The following PADI1 variants were observed in gnomAD, a reference collection of about 807,000 sequenced individuals.
PADI1 encodes the protein protein-arginine deiminase type-1.
In PADI1, 65 loss-of-function variants were observed where a neutral mutation model predicts 74.8. The ratio of observed to expected loss-of-function variants is 0.87; its 90% confidence interval spans 0.71 to 1.07. The LOEUF (loss-of-function observed/expected upper bound fraction) is 1.07, where lower values mean the gene tolerates loss of function less well. Among genes scored for constraint, PADI1 ranks in the 50% least tolerant of loss-of-function variants. PADI1 has a pLI of 0.00. For synonymous variants in PADI1, 371 were observed against 336.2 expected (o/e 1.10, Z -1.13); for missense variants, 943 against 854.0 (o/e 1.10, Z -1.30).
intron 6 of PADI1, among the ~76,000 whole-genome samples, chr1:17,228,190 C>T (rs1468531292): frequency 6.6e-6 from 1 of 152,148 alleles, no homozygotes; most frequent in Non-Finnish European, 1.5e-5. Flanking sequence ...TGGGGTCTCC[C>T]TATGTTACCC....
chr1:17,212,327 G>A (rs895832158), intron 1 of PADI1, among the ~76,000 whole-genome samples: 2 of 152,204 alleles, frequency 1.3e-5, no homozygotes, highest in African/African-American at 4.8e-5. Flanking sequence ...AGCCAGCAGT[G>A]CCTGCTCTTC....
chr1:17,235,273 A>AGGAAGGAAGGAAGGAG (rs1553129537), intron 11 of PADI1, among the ~76,000 whole-genome samples: 16 of 115,574 alleles, frequency 1.4e-4, no homozygotes, highest in Non-Finnish European at 2.2e-4. Context: ...GAAGGAAGGA[A>AGGAAGGAAGGAAGGAG]GGAAGGAAGG....
intron 1 of PADI1, among the ~76,000 whole-genome samples, chr1:17,220,306 A>G (rs1253725163): frequency 6.6e-6 from 1 of 152,114 alleles, no homozygotes; most frequent in East Asian, 1.9e-4. Flanking sequence ...ACCGCAGTCA[A>G]TGGAGACAGT....
chr1:17,236,368 G>C (rs897014851), intron 11 of PADI1, among the ~76,000 whole-genome samples: 3 of 152,212 alleles, frequency 2.0e-5, no homozygotes, highest in African/African-American at 7.2e-5. Flanking sequence ...ATTAAATGAG[G>C]TAGCCTGGGT....
rs555336651 is a variant in PADI1 at position 17,240,743 on chromosome 1, G to T, written c.1741G>T (p.Ala581Ser). 1.2e-6 allele frequency: 2 copies of T among 1,614,000 alleles called. No homozygotes were observed. Among genetic ancestry groups the T allele is most frequent in the Middle Eastern group, 3.3e-4 (2 of 6,060 alleles). Residue 581 changes from alanine to serine, a missense_variant, in exon 15 of 16, where the codon GCC (alanine) becomes TCC (serine). By Grantham distance (99) the Ala-to-Ser change is moderately conservative. Transcript: ENST00000375471. ...CTTCCTGAAAAACTTCTACGCGGAA[G>T]CCTTCTTCCCAGACATGGTGAGAGC... ...LFFLKNFYAE[A>S]FFPDMVNMVV...
chr1:17,239,815 G>C, intron 14 of PADI1, 32 bp downstream of exon 14: 1 of 1,547,108 alleles, frequency 6.5e-7, no homozygotes, highest in Non-Finnish European at 8.9e-7. Context: ...TGCTCTAAGG[G>C]GTCCTTTCCC....
chr1:17,232,753 A>G, intron 10 of PADI1, 66 bp from the exon 11 acceptor site: 1 of 1,451,428 alleles, frequency 6.9e-7, no homozygotes, highest in Non-Finnish European at 9.3e-7. Flanking sequence ...TACTCCAAGA[A>G]CTGCCTCGTC....
intron 1 of PADI1, among the ~76,000 whole-genome samples, chr1:17,222,051 T>C (rs773140916): frequency 3.9e-5 from 6 of 152,070 alleles, no homozygotes; most frequent in Non-Finnish European, 8.8e-5. Context: ...GCTGGAGAGT[T>C]TGGAAGTGTC....
chr1:17,224,501 C>T, intron 4 of PADI1, 73 bp downstream of exon 4: 2 of 1,128,910 alleles, frequency 1.8e-6, no homozygotes, highest in Non-Finnish European at 2.6e-6. Flanking sequence ...GTGGATTGTG[C>T]CCTCCCTCCA....
At chr1:17,227,730 G>C (rs973841301) in intron 6 of PADI1, among the ~76,000 whole-genome samples, 1 of 152,102 alleles carries the variant, frequency 6.6e-6, no homozygotes, top group Non-Finnish European at 1.5e-5. Context: ...GAGCCAGAAT[G>C]TTCCCTCCCA....
intron 1 of PADI1, among the ~76,000 whole-genome samples, chr1:17,221,808 C>T (rs972714891): frequency 6.6e-6 from 1 of 152,182 alleles, no homozygotes; most frequent in Non-Finnish European, 1.5e-5. Context: ...TCAGAAGGGC[C>T]TCTTATGCTA....
chr1:17,207,895 A>T (rs1338081886), intron 1 of PADI1, among the ~76,000 whole-genome samples: 1 of 152,228 alleles, frequency 6.6e-6, no homozygotes, highest in Non-Finnish European at 1.5e-5. Flanking sequence ...ATTCTGCAGC[A>T]TAAGGAAGAG....
intron 2 of PADI1, among the ~76,000 whole-genome samples, chr1:17,222,887 A>T (rs754712773): frequency 1.1e-4 from 17 of 152,140 alleles, no homozygotes; most frequent in Admixed American, 2.6e-4. Flanking sequence ...TCCCACACCT[A>T]AGCCAACCTT....
intron 6 of PADI1, among the ~76,000 whole-genome samples, chr1:17,227,763 G>A (rs1204738923): frequency 6.6e-6 from 1 of 152,132 alleles, no homozygotes; most frequent in African/African-American, 2.4e-5. Context: ...GGATGTTTAG[G>A]CAGAGGACTC....
intron 10 of PADI1, among the ~76,000 whole-genome samples, chr1:17,231,207 T>G (rs889711276): frequency 2.0e-5 from 3 of 152,212 alleles, no homozygotes; most frequent in Non-Finnish European, 2.9e-5. Flanking sequence ...TGGCTTACCT[T>G]ATGTATTCCA....
At chr1:17,212,674 A>G (rs1378956100) in intron 1 of PADI1, among the ~76,000 whole-genome samples, 1 of 152,200 alleles carries the variant, frequency 6.6e-6, no homozygotes. Flanking sequence ...CTGAACTGTC[A>G]AAGCAGAGAG....
At chr1:17,206,395 T>G (rs941613662) in intron 1 of PADI1, among the ~76,000 whole-genome samples, 3 of 152,086 alleles carry the variant, frequency 2.0e-5, no homozygotes, top group African/African-American at 7.2e-5. Context: ...GTGGCAGGGC[T>G]GGGGAGGAAA....
chr1:17,205,141 C>A lies in PADI1; in HGVS notation c.-77C>A, dbSNP rs983342831. 16 of 1,188,486 alleles carry A rather than the reference C, an allele frequency of 1.3e-5. 1 individual carries two copies. In the African/African-American group the frequency reaches 1.8e-4, roughly 13 times the overall value. The allele number at this position is 1,188,486 out of a possible 1,614,324, so 73.6% of individuals were successfully genotyped here. On this transcript the variant is annotated 5_prime_UTR_variant, in exon 1 of 16. Coordinates refer to ENST00000375471, the MANE Select transcript of PADI1 (RefSeq NM_013358.3). ...CACCAGTCCATCAGAACTCACACTT[C>A]TTCCTGGCAAAGAAGTGCCCAGGAC...
chr1:17,222,864 G>A (rs2072197385), intron 2 of PADI1, among the ~76,000 whole-genome samples: 7 of 152,174 alleles, frequency 4.6e-5, no homozygotes, highest in Admixed American at 4.6e-4. Flanking sequence ...CCACATCTTT[G>A]TGTGCACGGA....
Sources: allele counts gnomAD v4.1 joint callset (sites outside exome capture counted in the v4.1 genomes callset), GRCh38; gene constraint gnomAD v4.1.1; transcripts MANE v1.5; gene names NCBI Gene and HGNC (gene_info 2026-07-23, HGNC 2026-07-21).